Variants in CLEC16A observed in about 807,000 individuals in gnomAD.
CLEC16A encodes the protein C-type lectin domain containing 16A.
In CLEC16A, 51 loss-of-function variants were observed where a neutral mutation model predicts 109.5. That is an observed-to-expected ratio of 0.47 (90% CI 0.37 to 0.59). CLEC16A has a LOEUF of 0.59. CLEC16A is among the 20% of genes least tolerant of loss of function. CLEC16A has a pLI of 0.00. For synonymous variants in CLEC16A, 673 were observed against 564.2 expected, an observed-to-expected ratio of 1.19 and a Z score of -2.73; for missense variants, 1,339 against 1,394.0, an observed-to-expected ratio of 0.96 and a Z score of 0.63.
intron 18 of CLEC16A, among the ~76,000 whole-genome samples, chr16:11,060,614 C>T (rs567467334): frequency 2.1e-4 from 32 of 152,262 alleles, no homozygotes; most frequent in African/African-American, 7.5e-4. Flanking sequence ...ATGAAGGTCA[C>T]CTGATACTTG....
intron 22 of CLEC16A, among the ~76,000 whole-genome samples, chr16:11,138,907 G>A (rs76058863): frequency 2.8e-4 from 42 of 152,114 alleles, no homozygotes; most frequent in Non-Finnish European, 4.9e-4. Flanking sequence ...CTTGCGCAAG[G>A]GTTTCCTCAG....
At chr16:11,062,757 A>C (rs2048552061) in intron 19 of CLEC16A, among the ~76,000 whole-genome samples, 1 of 151,850 alleles carries the variant, frequency 6.6e-6, no homozygotes, top group South Asian at 2.1e-4. Flanking sequence ...CTGCTGCCCA[A>C]CTCCTTTGGC....
Position 10,969,180 on chromosome 16 carries a change from C to T in CLEC16A, c.363C>T (p.Asn121=), listed in dbSNP as rs760369978. Reference sequence around the variant, plus strand: ...CTCTAGATTATTTGCTCTCAAATAACTACGTAAATTCTATCATCGTTCATA... The same window carrying T: ...CTCTAGATTATTTGCTCTCAAATAATTACGTAAATTCTATCATCGTTCATA... The part of the protein sequence containing the change: ...ETSLYYLLSN[N]YVNSIIVHKF... The change falls in exon 4 of 24, where the codon AAC becomes AAT. Residue 121 remains asparagine (N), a synonymous_variant. Coordinates refer to ENST00000409790, the MANE Select transcript of CLEC16A (RefSeq NM_015226.3). 9 of 1,609,798 alleles carry T rather than the reference C, an allele frequency of 5.6e-6. No individual in the cohort carries two copies. The highest frequency in any genetic ancestry group is 1.7e-5 in the Admixed American group (1 of 59,382).
rs1248074331 is a variant in CLEC16A at position 11,166,544 on chromosome 16, G to A, written c.2798G>A (p.Ser933Asn). 2 of 1,597,336 alleles carry A rather than the reference G, an allele frequency of 1.3e-6. No individual in the cohort carries two copies. Among genetic ancestry groups the A allele is most frequent in the Non-Finnish European group, 1.7e-6 (2 of 1,173,032 alleles). Residue 933 changes from serine (S) to asparagine (N), a missense_variant, in exon 23 of 24, where the codon AGT (serine) becomes AAT (asparagine). Physicochemically the swap from Ser to Asn is conservative, Grantham distance 46. Coordinates refer to ENST00000409790, the MANE Select transcript of CLEC16A (RefSeq NM_015226.3). ...SSSSTPSTAQSPADAPMSPEL... is the reference protein window; with the variant it reads ...SSSSTPSTAQNPADAPMSPEL... ...TCCTCCACCCCCTCCACAGCCCAGA[G>A]TCCAGCAGGTATTGGCCACGTGACT...
intron 14 of CLEC16A, 79 bp from the exon 15 acceptor site, chr16:11,042,175 C>T: frequency 9.4e-7 from 1 of 1,060,594 alleles, no homozygotes; most frequent in South Asian, 1.4e-5. Context: ...CTGCTAGCCT[C>T]AACGTGGATA....
intron 6 of CLEC16A, among the ~76,000 whole-genome samples, 173 bp downstream of exon 6, chr16:10,972,732 A>C (rs1366647914): frequency 6.6e-6 from 1 of 152,190 alleles, no homozygotes; most frequent in Non-Finnish European, 1.5e-5. Flanking sequence ...AGTATAAAAT[A>C]TCATAAGAAC....
chr16:10,997,253 C>T (rs1308169595), intron 10 of CLEC16A, among the ~76,000 whole-genome samples: 4 of 152,236 alleles, frequency 2.6e-5, no homozygotes, highest in Non-Finnish European at 4.4e-5. Flanking sequence ...TGAGCCACTG[C>T]GCCCAGCCTG....
intron 10 of CLEC16A, among the ~76,000 whole-genome samples, chr16:10,984,258 G>C (rs1468291993): frequency 6.6e-6 from 1 of 152,162 alleles, no homozygotes; most frequent in Non-Finnish European, 1.5e-5. Context: ...GGTCTGGCCA[G>C]GTCATTTTGT....
intron 11 of CLEC16A, among the ~76,000 whole-genome samples, chr16:11,011,536 G>A (rs760473515): frequency 3.2e-4 from 49 of 152,154 alleles, no homozygotes; most frequent in Middle Eastern, 6.8e-3. Context: ...ATGGTGTTCT[G>A]TGTTCATCTA....
chr16:11,096,177 TA>T (rs34361002), intron 19 of CLEC16A, among the ~76,000 whole-genome samples: 1,688 of 148,682 alleles, frequency 0.011, 15 homozygotes, highest in Middle Eastern at 0.021. Flanking sequence ...ACCCCATCTC[TA>T]AAAAAAAAAA....
At chr16:10,998,916 A>G (rs2044492422) in intron 10 of CLEC16A, among the ~76,000 whole-genome samples, 1 of 152,192 alleles carries the variant, frequency 6.6e-6, no homozygotes, top group African/African-American at 2.4e-5. Context: ...ATGGTCACAA[A>G]TCTCTGCCCA....
At chr16:10,948,116 A>G (rs944213533) in intron 1 of CLEC16A, among the ~76,000 whole-genome samples, 4 of 152,138 alleles carry the variant, frequency 2.6e-5, no homozygotes, top group South Asian at 2.1e-4. Flanking sequence ...GATGGTCTCG[A>G]TCTCCTGACC....
intron 10 of CLEC16A, among the ~76,000 whole-genome samples, chr16:10,996,829 C>A (rs2044358927): frequency 2.0e-5 from 3 of 152,320 alleles, no homozygotes; most frequent in Admixed American, 6.5e-5. Flanking sequence ...CCTGCGCTTA[C>A]CTGAGTCCCC....
At chr16:10,948,036 G>C (rs893273390) in intron 1 of CLEC16A, among the ~76,000 whole-genome samples, 16 of 152,176 alleles carry the variant, frequency 1.1e-4, no homozygotes, top group Non-Finnish European at 2.1e-4. Flanking sequence ...TGGGACTACA[G>C]GCGCCCGCCA....
chr16:11,078,974 A>G (rs747224968), intron 19 of CLEC16A, among the ~76,000 whole-genome samples: 1 of 152,042 alleles, frequency 6.6e-6, no homozygotes, highest in Non-Finnish European at 1.5e-5. Flanking sequence ...CTTGAAGACA[A>G]ATCACTTGCC....
chr16:10,958,912 A>C (rs1309722489), intron 2 of CLEC16A, among the ~76,000 whole-genome samples: 2 of 152,000 alleles, frequency 1.3e-5, no homozygotes, highest in East Asian at 1.9e-4. Flanking sequence ...TCAAAAAAAA[A>C]ATAGCAAGGG....
intron 16 of CLEC16A, among the ~76,000 whole-genome samples, chr16:11,046,448 T>G (rs970508931): frequency 2.4e-4 from 36 of 152,090 alleles, no homozygotes; most frequent in African/African-American, 8.0e-4. Context: ...AAGGATCTAT[T>G]CCCTTTCCCA....
intron 11 of CLEC16A, among the ~76,000 whole-genome samples, chr16:11,011,915 A>G (rs898036163): frequency 3.0e-4 from 46 of 151,936 alleles, no homozygotes; most frequent in Non-Finnish European, 1.5e-4. Flanking sequence ...ACGTCTACTC[A>G]CTGATTTGCC....
intron 18 of CLEC16A, among the ~76,000 whole-genome samples, chr16:11,060,562 C>G (rs533851548): frequency 2.2e-4 from 33 of 152,238 alleles, no homozygotes; most frequent in Admixed American, 5.9e-4. Context: ...GTCTCAGCTG[C>G]CCGGTCTGTG....
Sources: gnomAD v4.1 joint callset for allele counts (sites outside exome capture counted in the v4.1 genomes callset) on GRCh38, gnomAD v4.1.1 for gene constraint, MANE v1.5 for transcripts, NCBI Gene and HGNC (gene_info 2026-07-23, HGNC 2026-07-21) for gene names.